NRG3: variants seen among roughly 807,000 people sequenced by gnomAD.
NRG3 encodes neuregulin 3.
A neutral mutation model predicts 66.9 loss-of-function variants in NRG3; 31 were observed. The observed-to-expected ratio is 0.46, with a 90% CI of 0.35 to 0.63. The LOEUF (loss-of-function observed/expected upper bound fraction) is 0.63, where lower values mean the gene tolerates loss of function less well. Ranked by LOEUF, NRG3 falls within the 20% of genes least tolerant of loss-of-function variation. The probability of loss-of-function intolerance (pLI) is 0.00; values close to 1 mark genes in which losing one functional copy is unlikely to be tolerated. For synonymous variants in NRG3, 393 were observed against 359.4 expected (o/e 1.09, Z -1.06); for missense variants, 910 against 878.9 (o/e 1.04, Z -0.45).
In NRG3 at chr10:81,943,159, A is replaced by G. The variant is rs150485255; in HGVS notation, c.823+66996A>G. ...TCCTAGCAACTCTGGAGGCTGAGGC[A>G]GGAGGATTGCTTGAGAGCTCAAGAC... On this transcript the variant is annotated intron_variant, in intron 1 of 8. Transcript: ENST00000372141. Among the ~76,000 whole-genome samples the G allele has an allele frequency of 2.6e-5, 4 of 152,206 alleles. No individual in the cohort carries two copies. The East Asian group carries it at 5.8e-4, about 22-fold the overall frequency.
At chr10:82,191,417 C>T (rs1366993733) in intron 1 of NRG3, among the ~76,000 whole-genome samples, 1 of 151,998 alleles carries the variant, frequency 6.6e-6, no homozygotes, top group Non-Finnish European at 1.5e-5. Flanking sequence ...AAATGCAACC[C>T]TAGTCTCTCC....
chr10:82,890,126 AGT>A (rs1491581375), intron 4 of NRG3, among the ~76,000 whole-genome samples: 5 of 122,942 alleles, frequency 4.1e-5, no homozygotes, highest in Non-Finnish European at 8.2e-5. Flanking sequence ...TGATCTGCTA[AGT>A]TTTTTTTTTT....
In NRG3 at chr10:82,969,463, G is replaced by A. The variant is rs180842416; in HGVS notation, c.1285-4325G>A. ...ATTATGTATTGGATCTTTGTTATTTGAGGTTGTTGAAAACAATCACCTTTT... is the reference window on the plus strand; with the variant it reads ...ATTATGTATTGGATCTTTGTTATTTAAGGTTGTTGAAAACAATCACCTTTT... On this transcript the variant is annotated intron_variant, in intron 6 of 8. Coordinates refer to ENST00000372141, the MANE Select transcript of NRG3 (RefSeq NM_001010848.4). Among the ~76,000 whole-genome samples, 178 of 152,198 alleles carry A rather than the reference G, an allele frequency of 1.2e-3. 3 individuals carry two copies. The highest frequency in any genetic ancestry group is 4.0e-3 in the African/African-American group (167 of 41,520).
chr10:82,020,396 C>A (rs2062006291), intron 1 of NRG3, among the ~76,000 whole-genome samples: 1 of 152,036 alleles, frequency 6.6e-6, no homozygotes, highest in Non-Finnish European at 1.5e-5. Context: ...GTATAAGGAA[C>A]TGTCCTAGGT....
chr10:82,274,187 C>A (rs984966654), intron 1 of NRG3, among the ~76,000 whole-genome samples: 11 of 151,844 alleles, frequency 7.2e-5, no homozygotes, highest in Non-Finnish European at 1.3e-4. Flanking sequence ...AATAACCCTT[C>A]AAGAATCATA....
intron 1 of NRG3, among the ~76,000 whole-genome samples, chr10:82,224,703 T>C (rs1032062316): frequency 2.0e-5 from 3 of 152,168 alleles, no homozygotes; most frequent in African/African-American, 7.2e-5. Flanking sequence ...GGAAAATTAC[T>C]AACTTAACAG....
intron 1 of NRG3, among the ~76,000 whole-genome samples, chr10:82,132,468 G>GATATATATATATCAT (rs1214093251): frequency 8.3e-6 from 1 of 119,920 alleles, no homozygotes; most frequent in African/African-American, 3.6e-5. Flanking sequence ...TGATATATAT[G>GATATATATATATCAT]ATATATATAT....
chr10:82,645,801 T>C (rs1435013771), intron 2 of NRG3, among the ~76,000 whole-genome samples: 1 of 152,184 alleles, frequency 6.6e-6, no homozygotes, highest in Non-Finnish European at 1.5e-5. Context: ...TTCAGGCCTC[T>C]TTCATTTTTC....
intron 2 of NRG3, among the ~76,000 whole-genome samples, chr10:82,637,543 A>C (rs2050282902): frequency 6.6e-6 from 1 of 152,222 alleles, no homozygotes; most frequent in Admixed American, 6.5e-5. Context: ...TATAATCAGA[A>C]GAATGAGACA....
At chr10:82,928,625 T>TAA (rs4034738) in intron 4 of NRG3, among the ~76,000 whole-genome samples, 13,637 of 150,128 alleles carry the variant, frequency 0.091, 835 homozygotes, top group African/African-American at 0.16. Context: ...TTTTTTTTTT[T>TAA]AAAAGTAAAT....
At chr10:82,462,319 G>A (rs2091554451) in intron 2 of NRG3, among the ~76,000 whole-genome samples, 1 of 151,750 alleles carries the variant, frequency 6.6e-6, no homozygotes, top group African/African-American at 2.4e-5. Context: ...AGTAGGTAGG[G>A]TCCCATTTTC....
chr10:82,589,249 A>G lies in NRG3; in HGVS notation c.954-149328A>G, dbSNP rs574671299. 4.7e-4 allele frequency among the ~76,000 whole-genome samples: 71 copies of G among 152,336 alleles called. 1 individual carries two copies. In the South Asian group the frequency reaches 5.8e-3, roughly 12 times the overall value. ...AACGAAAGCACAACCCAAGGCATTC[A>G]TTATGAGGTTAGACAGAACCTCTTT... On this transcript the variant is annotated intron_variant, in intron 2 of 8. Coordinates refer to ENST00000372141, the MANE Select transcript of NRG3 (RefSeq NM_001010848.4).
chr10:81,980,518 A>C (rs554402029), intron 1 of NRG3, among the ~76,000 whole-genome samples: 2 of 152,336 alleles, frequency 1.3e-5, no homozygotes, highest in South Asian at 4.1e-4. Flanking sequence ...ATATTTTAAG[A>C]ATGAAAAAGA....
At chr10:82,428,352 T>C (rs918701164) in intron 2 of NRG3, among the ~76,000 whole-genome samples, 1 of 147,956 alleles carries the variant, frequency 6.8e-6, no homozygotes, top group South Asian at 2.1e-4. Flanking sequence ...AGCACAGCAA[T>C]AGCTGAATTT....
intron 2 of NRG3, among the ~76,000 whole-genome samples, chr10:82,487,809 A>G (rs1490799754): frequency 1.3e-5 from 2 of 152,208 alleles, no homozygotes; most frequent in Non-Finnish European, 2.9e-5. Flanking sequence ...AATCTTGCAT[A>G]TTGAATTTTA....
intron 2 of NRG3, among the ~76,000 whole-genome samples, chr10:82,627,234 GGCTGA>G (rs1402835212): frequency 6.6e-6 from 1 of 152,090 alleles, no homozygotes; most frequent in African/African-American, 2.4e-5. Context: ...AGGGCATGGA[GGCTGA>G]AAATGCCTGA....
At position 81,948,719 on chromosome 10, in the gene NRG3, G is replaced by A. The variant is rs188264628; in HGVS notation, c.823+72556G>A. Among the ~76,000 whole-genome samples, 3 of 152,328 alleles carry A rather than the reference G, an allele frequency of 2.0e-5. No individual in the cohort carries two copies. In the East Asian group the frequency reaches 5.8e-4, roughly 29 times the overall value. On this transcript the variant is annotated intron_variant, in intron 1 of 8. Coordinates refer to ENST00000372141, the MANE Select transcript of NRG3 (RefSeq NM_001010848.4). ...TTACCAGCTTCAGTTTTCTCAAAGT[G>A]TGAAGTTAGAGGGCAACCTATAGGC...
chr10:82,952,038 A>G (rs1242121327), intron 5 of NRG3, among the ~76,000 whole-genome samples: 6 of 152,260 alleles, frequency 3.9e-5, no homozygotes, highest in Admixed American at 3.9e-4. Context: ...ACTAAAAAAT[A>G]TACTTCAGTT....
intron 1 of NRG3, among the ~76,000 whole-genome samples, chr10:82,151,540 A>T (rs183594543): frequency 6.6e-6 from 1 of 152,060 alleles, no homozygotes; most frequent in Non-Finnish European, 1.5e-5. Flanking sequence ...TGTCTCCATT[A>T]TTCATCCTGT....
Sources: allele counts gnomAD v4.1 joint callset (sites outside exome capture counted in the v4.1 genomes callset), GRCh38; gene constraint gnomAD v4.1.1; transcripts MANE v1.5; gene names NCBI Gene and HGNC (gene_info 2026-07-23, HGNC 2026-07-21).